CLSTN2: variants seen among roughly 807,000 people sequenced by gnomAD.
CLSTN2 encodes the protein calsyntenin-2.
In CLSTN2, 48 loss-of-function variants were observed where a neutral mutation model predicts 101.2. That is an observed-to-expected ratio of 0.47 (90% confidence interval 0.38 to 0.60). The LOEUF is 0.60. CLSTN2 is among the 20% of genes least tolerant of loss of function. CLSTN2 has a pLI of 0.00. For synonymous variants in CLSTN2, 481 were observed against 463.6 expected (o/e 1.04, Z -0.48); for missense variants, 1,160 against 1,238.2 (o/e 0.94, Z 0.95).
At chr3:140,182,420 C>T (rs1296559150) in intron 2 of CLSTN2, among the ~76,000 whole-genome samples, 1 of 152,172 alleles carries the variant, frequency 6.6e-6, no homozygotes, top group African/African-American at 2.4e-5. Flanking sequence ...GACCTCATTT[C>T]CCTATCCAGC....
rs2088040740 is a variant in CLSTN2, at chr3:140,385,476, C to A, written c.233-18153C>A. ...CTCCTCCTCCCGGGTTCACGCCATTCTCCTGCCTCAGCTTCCCAAGTAGCT... is the reference window on the plus strand; with the variant it reads ...CTCCTCCTCCCGGGTTCACGCCATTATCCTGCCTCAGCTTCCCAAGTAGCT... On this transcript the variant is annotated intron_variant, in intron 2 of 16. Transcript: ENST00000458420. Among the ~76,000 whole-genome samples the A allele has an allele frequency of 2.7e-5, 4 of 149,268 alleles. No individual in the cohort carries two copies. In the Admixed American group the frequency reaches 2.7e-4, roughly 10 times the overall value.
chr3:140,335,190 G>C (rs755762098), intron 2 of CLSTN2, among the ~76,000 whole-genome samples: 28 of 152,204 alleles, frequency 1.8e-4, no homozygotes, highest in Non-Finnish European at 4.0e-4. Context: ...CCCTGGTCTT[G>C]ATGAAAATCC....
At chr3:140,347,734 C>G (rs564478764) in intron 2 of CLSTN2, among the ~76,000 whole-genome samples, 1 of 152,300 alleles carries the variant, frequency 6.6e-6, no homozygotes, top group Admixed American at 6.5e-5. Context: ...CATCATAGAT[C>G]TACTACATAT....
intron 2 of CLSTN2, among the ~76,000 whole-genome samples, chr3:140,367,511 CAAAAAAAA>C (rs34398474): frequency 2.1e-5 from 2 of 96,824 alleles, no homozygotes; most frequent in Non-Finnish European, 4.0e-5. Context: ...CACTTTGTCT[CAAAAAAAA>C]AAAAAAAAAA....
At position 140,043,306 on chromosome 3, in the gene CLSTN2, G is replaced by T. The variant is rs569576853; in HGVS notation, c.109+107823G>T. On this transcript the variant is annotated intron_variant, in intron 1 of 16. Coordinates refer to ENST00000458420, the MANE Select transcript of CLSTN2 (RefSeq NM_022131.3). ...TGAGCATTTTTTCATGTGTCTGTTG[G>T]CTGCATAAATGTCTTCTTTTGAGAA... 3.0e-3 allele frequency among the ~76,000 whole-genome samples: 452 copies of T among 152,240 alleles called. 2 individuals carry two copies. The highest frequency in any genetic ancestry group is 8.9e-3 in the African/African-American group (370 of 41,542).
intron 8 of CLSTN2, among the ~76,000 whole-genome samples, chr3:140,492,146 TA>T (rs5852984): frequency 0.43 from 64,935 of 151,564 alleles, 14,416 homozygotes; most frequent in African/African-American, 0.55. Context: ...CATAATGGCT[TA>T]AAAAAAAATA....
In CLSTN2 at chr3:140,431,428, G is replaced by A. The variant is rs1223858853; in HGVS notation, c.787+10154G>A. On this transcript the variant is annotated intron_variant, in intron 5 of 16. Coordinates refer to ENST00000458420, the MANE Select transcript of CLSTN2 (RefSeq NM_022131.3). The stretch of plus-strand genomic sequence containing the variant: ...AGGAAGACTCTACCTTTTCCTTAAA[G>A]AGAATTCAGCATGAAAAATTACCCA... Among the ~76,000 whole-genome samples the A allele has an allele frequency of 2.0e-5, 3 of 152,142 alleles. No individual in the cohort carries two copies. In the East Asian group the frequency reaches 5.8e-4, roughly 29 times the overall value.
At chr3:140,126,432 C>T (rs1012184867) in intron 1 of CLSTN2, among the ~76,000 whole-genome samples, 5 of 152,098 alleles carry the variant, frequency 3.3e-5, no homozygotes, top group Admixed American at 6.5e-5. Flanking sequence ...AGTAAGTTAG[C>T]CTCTACTCCT....
chr3:140,142,323 G>A (rs1384193037), intron 1 of CLSTN2, among the ~76,000 whole-genome samples: 1 of 152,178 alleles, frequency 6.6e-6, no homozygotes, highest in Admixed American at 6.5e-5. Context: ...GCATCTGAGT[G>A]CAGAAAGGCC....
chr3:140,511,541 C>CTTTTT (rs59924727), intron 8 of CLSTN2, among the ~76,000 whole-genome samples: 1 of 70,848 alleles, frequency 1.4e-5, no homozygotes, highest in Non-Finnish European at 2.6e-5. Context: ...TGTTTCTGGA[C>CTTTTT]TTTTTTTTTT....
At chr3:140,527,881 C>T (rs1339194922) in intron 8 of CLSTN2, among the ~76,000 whole-genome samples, 1 of 151,930 alleles carries the variant, frequency 6.6e-6, no homozygotes, top group Non-Finnish European at 1.5e-5. Flanking sequence ...TACCCATAGA[C>T]ATAAATATAG....
intron 1 of CLSTN2, among the ~76,000 whole-genome samples, chr3:140,159,795 A>C (rs1325088561): frequency 6.6e-6 from 1 of 152,222 alleles, no homozygotes; most frequent in Non-Finnish European, 1.5e-5. Context: ...GGATAAAGAA[A>C]TGTGGTACAT....
chr3:140,077,985 G>A (rs1021309508), intron 1 of CLSTN2, among the ~76,000 whole-genome samples: 1 of 152,172 alleles, frequency 6.6e-6, no homozygotes. Context: ...GCTGGGATTG[G>A]TAGAAAATTT....
chr3:140,247,945 G>A (rs574892333), intron 2 of CLSTN2, among the ~76,000 whole-genome samples: 1 of 152,276 alleles, frequency 6.6e-6, no homozygotes, highest in Non-Finnish European at 1.5e-5. Flanking sequence ...TTGGTTTGTG[G>A]TTGGGCCAGT....
At chr3:140,273,808 A>G (rs1320649139) in intron 2 of CLSTN2, among the ~76,000 whole-genome samples, 2 of 152,216 alleles carry the variant, frequency 1.3e-5, no homozygotes, top group African/African-American at 4.8e-5. Flanking sequence ...TAATTTAGTC[A>G]TAGGAAGGCA....
intron 1 of CLSTN2, among the ~76,000 whole-genome samples, chr3:140,028,191 C>T (rs958385910): frequency 6.6e-6 from 1 of 152,156 alleles, no homozygotes; most frequent in Admixed American, 6.6e-5. Context: ...TAGCAGCAAC[C>T]TGGAGGGAAG....
chr3:140,402,105 A>T (rs2088249309), intron 2 of CLSTN2, among the ~76,000 whole-genome samples: 2 of 152,256 alleles, frequency 1.3e-5, no homozygotes, highest in Non-Finnish European at 2.9e-5. Context: ...ATTCTTTTTG[A>T]AAAGCATAAA....
At chr3:139,947,394 C>T (rs936627153) in intron 1 of CLSTN2, among the ~76,000 whole-genome samples, 7 of 152,218 alleles carry the variant, frequency 4.6e-5, no homozygotes. Context: ...CTTCTCTCCT[C>T]TAAGTAGTGC....
At chr3:140,456,155 G>A (rs1343223892) in intron 6 of CLSTN2, among the ~76,000 whole-genome samples, 1 of 152,334 alleles carries the variant, frequency 6.6e-6, no homozygotes, top group South Asian at 2.1e-4. Flanking sequence ...AGCTGTGACT[G>A]TGTGCTTTTG....
Sources: gnomAD v4.1 joint callset for allele counts (sites outside exome capture counted in the v4.1 genomes callset) on GRCh38, gnomAD v4.1.1 for gene constraint, MANE v1.5 for transcripts, NCBI Gene and HGNC (gene_info 2026-07-23, HGNC 2026-07-21) for gene names.